The following ZNF578 variants were observed in gnomAD, a reference collection of about 807,000 sequenced individuals.
The protein encoded by ZNF578 is zinc finger protein 578.
ZNF578 carries 8 observed loss-of-function variants against 8.3 expected under a neutral mutation model. The ratio of observed to expected loss-of-function variants is 0.96; its 90% confidence interval spans 0.56 to 1.74. The LOEUF (loss-of-function observed/expected upper bound fraction) is 1.74. Among genes scored for constraint, ZNF578 ranks in the 40% most tolerant of loss-of-function variants. The pLI is 0.00. For missense variants in ZNF578, 726 were observed against 707.5 expected (o/e 1.03, Z -0.30); for synonymous variants, 206 against 232.2 (o/e 0.89, Z 1.03).
intron 5 of ZNF578, among the ~76,000 whole-genome samples, chr19:52,508,137 A>G (rs113506075): frequency 6.6e-6 from 1 of 151,884 alleles, no homozygotes; most frequent in East Asian, 1.9e-4. Flanking sequence ...ACGAAGTCAA[A>G]AGATCGAGAC....
At chr19:52,476,003 T>G (rs1225820379) in intron 2 of ZNF578, among the ~76,000 whole-genome samples, 1 of 152,158 alleles carries the variant, frequency 6.6e-6, no homozygotes, top group African/African-American at 2.4e-5. Flanking sequence ...TAAGTATGCC[T>G]TGAGGTAAAA....
At chr19:52,470,543 G>A (rs2059288801) in intron 2 of ZNF578, among the ~76,000 whole-genome samples, 1 of 152,134 alleles carries the variant, frequency 6.6e-6, no homozygotes, top group Non-Finnish European at 1.5e-5. Context: ...TGAGTGTATT[G>A]CTAAAGGAGA....
intron 2 of ZNF578, among the ~76,000 whole-genome samples, chr19:52,462,149 A>G (rs1181611877): frequency 2.0e-5 from 3 of 152,186 alleles, no homozygotes; most frequent in Non-Finnish European, 4.4e-5. Context: ...CATTGTTGAG[A>G]TTGTTGACAC....
At chr19:52,487,970 T>A (rs2122868036) in intron 2 of ZNF578, among the ~76,000 whole-genome samples, 1 of 150,622 alleles carries the variant, frequency 6.6e-6, no homozygotes, top group East Asian at 2.0e-4. Flanking sequence ...CTTTTTTTTT[T>A]TGAGAGGGAG....
chr19:52,498,738 T>C (rs2059396382), intron 3 of ZNF578, among the ~76,000 whole-genome samples: 1 of 135,368 alleles, frequency 7.4e-6, no homozygotes, highest in Admixed American at 8.2e-5. Context: ...CAGGCTGGAA[T>C]GCAGTGGAAC....
At chr19:52,454,870 C>G (rs2168792) in intron 1 of ZNF578, 134,627 of 151,840 alleles carry the variant, frequency 0.89, 60,426 homozygotes, top group Non-Finnish European at 0.96. Flanking sequence ...TGTAGGGAAA[C>G]CACACATTTT....
At position 52,515,242 on chromosome 19, in the gene ZNF578, G is replaced by A. The variant is rs1181380553; in HGVS notation, c.*3088G>A. 6.6e-6 allele frequency among the ~76,000 whole-genome samples: 1 copy of A among 152,076 alleles called. No homozygotes were observed. Among genetic ancestry groups the A allele is most frequent in the Non-Finnish European group, 1.5e-5 (1 of 68,016 alleles). On this transcript the variant is annotated 3_prime_UTR_variant, in exon 6 of 6. Transcript: ENST00000421239. ...ACCTCCCAAAATGCTAGGATTACAA[G>A]CGTGAGCCATTGTGCCTGACCACTC...
intron 3 of ZNF578, among the ~76,000 whole-genome samples, chr19:52,496,101 C>A (rs1218020083): frequency 6.6e-6 from 1 of 151,398 alleles, no homozygotes; most frequent in South Asian, 2.1e-4. Context: ...CTCACTGTAA[C>A]CTCTGCCTCC....
At chr19:52,505,568 C>T (rs1230853642) in intron 5 of ZNF578, among the ~76,000 whole-genome samples, 2 of 149,972 alleles carry the variant, frequency 1.3e-5, no homozygotes, top group Non-Finnish European at 3.0e-5. Flanking sequence ...ATTACAGGTG[C>T]CCGCCACCAT....
intron 5 of ZNF578, among the ~76,000 whole-genome samples, chr19:52,505,102 G>C (rs773600187): frequency 5.3e-5 from 8 of 152,114 alleles, no homozygotes; most frequent in Non-Finnish European, 7.4e-5. Flanking sequence ...GGTCAGGCTC[G>C]TCTCTAACTC....
rs182449527 is a variant in ZNF578, at chr19:52,471,704, A to G, written c.-122+14746A>G. 1.1e-4 allele frequency among the ~76,000 whole-genome samples: 16 copies of G among 152,302 alleles called. No homozygotes were observed. In the East Asian group the frequency reaches 2.5e-3, roughly 24 times the overall value. ...TTTCTCCATAAAGCCTCATTATGTA[A>G]TAAACATTTTCAGGCCATTTGAGTG... On this transcript the variant is annotated intron_variant, in intron 2 of 5. Transcript: ENST00000421239.
rs2059269432 is a variant in ZNF578 at position 52,464,782 on chromosome 19, G to A, written c.-122+7824G>A. On this transcript the variant is annotated intron_variant, in intron 2 of 5. Transcript: ENST00000421239. ...TGTGTGACTGTTTAACATATCCTGG[G>A]ATAAAACCTTCCAAGGATATCTGGC... 3.3e-5 allele frequency among the ~76,000 whole-genome samples: 5 copies of A among 152,246 alleles called. No homozygotes were observed. The South Asian group carries it at 1.0e-3, about 32-fold the overall frequency.
chr19:52,461,348 C>G (rs542666904), intron 2 of ZNF578, among the ~76,000 whole-genome samples: 3 of 152,160 alleles, frequency 2.0e-5, no homozygotes, highest in Non-Finnish European at 4.4e-5. Flanking sequence ...AACAGTCTGT[C>G]TAAGATCATT....
Position 52,512,092 on chromosome 19 carries a change from G to A in ZNF578, c.1711G>A (p.Glu571Lys), listed in dbSNP as rs1454661651. The change falls in exon 6 of 6, where the codon GAG (glutamate) becomes AAG (lysine). Residue 571 changes from glutamate (E) to lysine (K), a missense_variant. By Grantham distance (56) the Glu-to-Lys change is moderately conservative. Coordinates refer to ENST00000421239, the MANE Select transcript of ZNF578 (RefSeq NM_001099694.2). ...HSGEKPYKCN[E>K]CGKAHNHLID... ...CGGAGAGAAACCTTACAAGTGTAAT[G>A]AGTGTGGTAAGGCTCACAATCACTT... 1.9e-6 allele frequency: 3 copies of A among 1,613,608 alleles called. No homozygotes were observed. The highest frequency in any genetic ancestry group is 4.5e-5 in the East Asian group (2 of 44,776).
At position 52,512,392 on chromosome 19, in the gene ZNF578, A is replaced by G. The variant is rs1178414183; in HGVS notation, c.*238A>G. ...CTTCAGTAACGCTACAACGATTGCA[A>G]ATCATTGGAGAATCCATAATGAAGA... On this transcript the variant is annotated 3_prime_UTR_variant, in exon 6 of 6. Coordinates refer to ENST00000421239, the MANE Select transcript of ZNF578 (RefSeq NM_001099694.2). 4 of 1,482,540 alleles carry G rather than the reference A, an allele frequency of 2.7e-6. No homozygotes were observed. Among genetic ancestry groups the G allele is most frequent in the African/African-American group, 1.4e-5 (1 of 72,076 alleles). 91.8% of individuals were successfully genotyped at this position (1,482,540 alleles called of 1,614,324 possible). A position where few individuals can be genotyped will look rare whatever the true frequency, so the allele number is the denominator to read the frequency against.
At chr19:52,454,512 C>T (rs550110431) in intron 1 of ZNF578, 2 of 152,318 alleles carry the variant, frequency 1.3e-5, no homozygotes, top group Admixed American at 1.3e-4. Context: ...ATGACCCAGT[C>T]TTCAGTATTT....
Position 52,510,654 on chromosome 19 carries a change from A to G in ZNF578, c.273A>G (p.Gln91=). The G allele has an allele frequency of 1.2e-6, 2 of 1,611,658 alleles. No individual in the cohort carries two copies. Among genetic ancestry groups the G allele is most frequent in the Non-Finnish European group, 1.7e-6 (2 of 1,179,028 alleles). Residue 91 remains glutamine (Q), a synonymous_variant, in exon 6 of 6, where the codon CAA becomes CAG. Transcript: ENST00000421239. ...AAGTGATCCACACAGGGATGTTGCAAAGACATGAAAGTTATCACACTGGAG... is the reference window on the plus strand; with the variant it reads ...AAGTGATCCACACAGGGATGTTGCAGAGACATGAAAGTTATCACACTGGAG... The part of the protein sequence containing the change: ...NTEVIHTGML[Q]RHESYHTGDF...
At position 52,514,716 on chromosome 19, in the gene ZNF578, G is replaced by A. The variant is rs945448872; in HGVS notation, c.*2562G>A. ...CTCGCTCTGTCAGCTTGGATGGAGT[G>A]CAGTGGTGCGATCTCAGCTCACTGC... On this transcript the variant is annotated 3_prime_UTR_variant, in exon 6 of 6. Transcript: ENST00000421239. 6.6e-6 allele frequency among the ~76,000 whole-genome samples: 1 copy of A among 152,090 alleles called. No homozygotes were observed. The highest frequency in any genetic ancestry group is 1.5e-5 in the Non-Finnish European group (1 of 68,024).
chr19:52,490,321 C>T (rs557613378), intron 2 of ZNF578, among the ~76,000 whole-genome samples: 8 of 152,116 alleles, frequency 5.3e-5, no homozygotes, highest in African/African-American at 7.2e-5. Flanking sequence ...TTTACTTGAA[C>T]GCATACATCA....
Sources: allele counts gnomAD v4.1 joint callset (sites outside exome capture counted in the v4.1 genomes callset), GRCh38; gene constraint gnomAD v4.1.1; transcripts MANE v1.5; gene names NCBI Gene and HGNC (gene_info 2026-07-23, HGNC 2026-07-21).